The following ALPK1 variants were observed in gnomAD, a reference collection of about 807,000 sequenced individuals.
The protein encoded by ALPK1 is alpha-protein kinase 1.
In ALPK1, 110 loss-of-function variants were observed where a neutral mutation model predicts 120.6. That is an observed-to-expected ratio of 0.91 (90% CI 0.78 to 1.07). ALPK1 has a LOEUF of 1.07. Ranked by LOEUF, ALPK1 falls within the 50% of genes least tolerant of loss-of-function variation. The pLI is 0.00. For synonymous variants in ALPK1, 582 were observed against 560.3 expected, an observed-to-expected ratio of 1.04 and a Z score of -0.55; for missense variants, 1,498 against 1,483.9, an observed-to-expected ratio of 1.01 and a Z score of -0.16.
intron 1 of ALPK1, among the ~76,000 whole-genome samples, chr4:112,313,331 G>A (rs1369909840): frequency 6.6e-6 from 1 of 152,220 alleles, no homozygotes; most frequent in African/African-American, 2.4e-5. Context: ...AGTAATACAG[G>A]AGGAAAACCA....
At chr4:112,306,459 C>A (rs1224858790) in intron 1 of ALPK1, among the ~76,000 whole-genome samples, 2 of 152,092 alleles carry the variant, frequency 1.3e-5, no homozygotes, top group Admixed American at 6.5e-5. Context: ...GATTCAACTT[C>A]TTCCTGGTTT....
At chr4:112,319,619 T>C (rs1026302534) in intron 2 of ALPK1, among the ~76,000 whole-genome samples, 2 of 152,220 alleles carry the variant, frequency 1.3e-5, no homozygotes, top group Non-Finnish European at 2.9e-5. Flanking sequence ...ATTGAATTTG[T>C]AGATTGCTTT....
In ALPK1 at chr4:112,377,662, C is replaced by G; in HGVS notation, c.-100-16C>G. On this transcript the variant is annotated splice_polypyrimidine_tract_variant and intron_variant, in intron 2 of 15. Coordinates refer to ENST00000650871, the MANE Select transcript of ALPK1 (RefSeq NM_025144.4). ...ATGCTTCAGTTAATCATCTTTCCCT[C>G]TCTTTTGTTCACCAGGTACTTCGGC... The G allele has an allele frequency of 1.0e-6, 1 of 998,646 alleles. No individual in the cohort carries two copies. The highest frequency in any genetic ancestry group is 1.4e-6 in the Non-Finnish European group (1 of 711,060). 61.9% of individuals were successfully genotyped at this position (998,646 alleles called of 1,614,324 possible).
chr4:112,401,661 T>C (rs912627555), intron 4 of ALPK1, among the ~76,000 whole-genome samples: 2 of 152,086 alleles, frequency 1.3e-5, no homozygotes, highest in South Asian at 2.1e-4. Context: ...AGAGGTAAGG[T>C]GTGCAGGTCC....
chr4:112,372,033 GATAGAGT>G (rs1310676333), intron 2 of ALPK1, among the ~76,000 whole-genome samples: 1 of 152,024 alleles, frequency 6.6e-6, no homozygotes, highest in African/African-American at 2.4e-5. Context: ...AATAGTTAAT[GATAGAGT>G]ATAAAGTGGA....
At chr4:112,398,233 A>C (rs1362467327) in intron 4 of ALPK1, among the ~76,000 whole-genome samples, 1 of 152,178 alleles carries the variant, frequency 6.6e-6, no homozygotes, top group Non-Finnish European at 1.5e-5. Flanking sequence ...TAGGTCAATG[A>C]AGTATTAAGA....
At chr4:112,404,555 C>T (rs1733080155) in intron 4 of ALPK1, among the ~76,000 whole-genome samples, 1 of 152,198 alleles carries the variant, frequency 6.6e-6, no homozygotes, top group Admixed American at 6.5e-5. Flanking sequence ...GACATTATAT[C>T]GCTTTAATCT....
At chr4:112,319,543 T>C (rs1042749959) in intron 2 of ALPK1, among the ~76,000 whole-genome samples, 3 of 152,214 alleles carry the variant, frequency 2.0e-5, no homozygotes, top group African/African-American at 7.2e-5. Flanking sequence ...TCTGGTTCCA[T>C]ATGAATTTTA....
chr4:112,432,052 T>C lies in ALPK1; in HGVS notation c.2505T>C (p.Ser835=). The C allele has an allele frequency of 6.2e-7, 1 of 1,613,958 alleles. No individual in the cohort carries two copies. The highest frequency in any genetic ancestry group is 1.1e-5 in the South Asian group (1 of 91,052). Residue 835 remains serine (S), a synonymous_variant, in exon 11 of 16, where the codon AGT becomes AGC. Transcript: ENST00000650871. The part of the protein sequence containing the change: ...WPVQNPDSRK[S]GGPVAEQGID... ...TTCAAAATCCTGACTCCAGAAAAAG[T>C]GGTGGCCCAGTCGCAGAGCAGGGCA...
At position 112,441,630 on chromosome 4, in the gene ALPK1, T is replaced by C; in HGVS notation, c.*420T>C. On this transcript the variant is annotated 3_prime_UTR_variant, in exon 16 of 16. Transcript: ENST00000650871. ...CGAATTCAATTTGTTTTCCTGTCTT[T>C]TGACATTTGACTTTGCATAAAAGTT... The C allele has an allele frequency of 5.8e-6, 1 of 172,586 alleles. No individual in the cohort carries two copies. The highest frequency in any genetic ancestry group is 1.6e-4 in the South Asian group (1 of 6,206). 10.7% of individuals were successfully genotyped at this position (172,586 alleles called of 1,614,324 possible). A position where few individuals can be genotyped will look rare whatever the true frequency, so the allele number is the denominator to read the frequency against.
At chr4:112,372,903 G>A (rs60118891) in intron 2 of ALPK1, among the ~76,000 whole-genome samples, 4,362 of 152,104 alleles carry the variant, frequency 0.029, 68 homozygotes, top group Admixed American at 0.035. Context: ...TTAGACAAAA[G>A]GATGATGTGC....
intron 5 of ALPK1, chr4:112,414,523 A>C (rs1211038734): frequency 2.3e-5 from 7 of 303,836 alleles, no homozygotes; most frequent in Non-Finnish European, 4.8e-5. Context: ...CAGGAGAATC[A>C]CTTGAACTCC....
intron 5 of ALPK1, among the ~76,000 whole-genome samples, chr4:112,421,889 ATTAAG>A (rs1734010363): frequency 6.6e-6 from 1 of 152,126 alleles, no homozygotes; most frequent in Non-Finnish European, 1.5e-5. Context: ...TTCCTTCTTT[ATTAAG>A]TTGAGAATTT....
intron 2 of ALPK1, chr4:112,359,454 T>C (rs1730809477): frequency 3.6e-6 from 1 of 275,606 alleles, no homozygotes; most frequent in Non-Finnish European, 7.1e-6. Flanking sequence ...CGTGCATCCA[T>C]ACCACAAGCA....
At chr4:112,433,880 C>T (rs1279065040) in intron 11 of ALPK1, among the ~76,000 whole-genome samples, 4 of 152,154 alleles carry the variant, frequency 2.6e-5, no homozygotes, top group Non-Finnish European at 5.9e-5. Flanking sequence ...CCAGAGATTT[C>T]CATCTAATGG....
Position 112,315,866 on chromosome 4 carries a change from T to C in ALPK1, c.-101+14T>C, listed in dbSNP as rs554436844. On this transcript the variant is annotated intron_variant, in intron 2 of 15. Transcript: ENST00000650871. The stretch of plus-strand genomic sequence containing the variant: ...CCGAAACTTTGGGTAAGTTTTCATA[T>C]GAAACTTTTGAGTTAAGTTATTTTT... 1.3e-5 allele frequency: 2 copies of C among 152,352 alleles called. No individual in the cohort carries two copies. Among genetic ancestry groups the C allele is most frequent in the South Asian group, 4.1e-4 (2 of 4,826 alleles). 9.4% of individuals were successfully genotyped at this position (152,352 alleles called of 1,614,324 possible). A position where few individuals can be genotyped will look rare whatever the true frequency, so the allele number is the denominator to read the frequency against.
At chr4:112,411,467 C>T (rs1430838817) in intron 4 of ALPK1, among the ~76,000 whole-genome samples, 1 of 149,218 alleles carries the variant, frequency 6.7e-6, no homozygotes, top group African/African-American at 2.5e-5. Flanking sequence ...TCAAGAGATC[C>T]ACACGCCTCG....
rs568484176 is a variant in ALPK1 at position 112,416,045 on chromosome 4, T to C, written c.475+4020T>C. On this transcript the variant is annotated intron_variant, in intron 5 of 15. Coordinates refer to ENST00000650871, the MANE Select transcript of ALPK1 (RefSeq NM_025144.4). Reference sequence around the variant, plus strand: ...ACTCTCAGTGTTTCACTTAATCTCCTCGATTCAGGCTAGCAACAAAAAGAC... The same window carrying C: ...ACTCTCAGTGTTTCACTTAATCTCCCCGATTCAGGCTAGCAACAAAAAGAC... 1.1e-3 allele frequency among the ~76,000 whole-genome samples: 160 copies of C among 152,352 alleles called. 1 individual carries two copies. The highest frequency in any genetic ancestry group is 3.7e-3 in the African/African-American group (154 of 41,572).
chr4:112,432,080 G>C lies in ALPK1; in HGVS notation c.2533G>C (p.Asp845His), dbSNP rs72898945. ...TGGCCCAGTCGCAGAGCAGGGCATC[G>C]ACCCTGATGCCTCCACAGTGGATGA... Reference protein sequence around the residue: ...SGGPVAEQGIDPDASTVDEEG... With the variant: ...SGGPVAEQGIHPDASTVDEEG... Residue 845 changes from aspartate to histidine, a missense_variant, in exon 11 of 16, where the codon GAC (aspartate) becomes CAC (histidine). By Grantham distance (81) the Asp-to-His change is moderately conservative. Coordinates refer to ENST00000650871, the MANE Select transcript of ALPK1 (RefSeq NM_025144.4). The C allele has an allele frequency of 4.0e-4, 644 of 1,614,082 alleles. 2 individuals carry two copies. The African/African-American group carries it at 7.7e-3, about 19-fold the overall frequency.
Sources: gnomAD v4.1 joint callset for allele counts (sites outside exome capture counted in the v4.1 genomes callset) on GRCh38, gnomAD v4.1.1 for gene constraint, MANE v1.5 for transcripts, NCBI Gene and HGNC (gene_info 2026-07-23, HGNC 2026-07-21) for gene names.